The following DDC variants were observed in gnomAD, a reference collection of about 807,000 sequenced individuals.
DDC encodes aromatic-L-amino-acid decarboxylase.
In DDC, 43 loss-of-function variants were observed where a neutral mutation model predicts 60.0. The observed-to-expected ratio is 0.72, with a 90% CI of 0.56 to 0.92. DDC has a LOEUF of 0.92. DDC is among the 40% of genes least tolerant of loss of function. The pLI, the probability that DDC is intolerant of heterozygous loss-of-function variation, is 0.00. For missense variants in DDC, 573 were observed against 620.2 expected (o/e 0.92, Z 0.81); for synonymous variants, 232 against 234.6 (o/e 0.99, Z 0.10).
intron 6 of DDC, among the ~76,000 whole-genome samples, chr7:50,510,264 C>A (rs1013252174): frequency 6.6e-6 from 1 of 151,994 alleles, no homozygotes; most frequent in Admixed American, 6.6e-5. Flanking sequence ...TGTGAGCCAC[C>A]GCACCTGGCC....
At chr7:50,515,517 AAAAC>A (rs892195786) in intron 6 of DDC, among the ~76,000 whole-genome samples, 6 of 152,190 alleles carry the variant, frequency 3.9e-5, no homozygotes, top group East Asian at 1.9e-4. Context: ...GCAAAAACAA[AAAAC>A]AAACAAACAA....
chr7:50,524,383 ATGAAGGTTG>A, intron 6 of DDC, among the ~76,000 whole-genome samples: 1 of 152,342 alleles, frequency 6.6e-6, no homozygotes, highest in Non-Finnish European at 1.5e-5. Flanking sequence ...AATGGGGGAA[ATGAAGGTTG>A]GGATATAAGA....
intron 11 of DDC, among the ~76,000 whole-genome samples, chr7:50,472,953 T>G (rs1345912375): frequency 6.6e-6 from 1 of 152,148 alleles, no homozygotes; most frequent in Non-Finnish European, 1.5e-5. Flanking sequence ...CCAGCCTCTT[T>G]GAACAAAATG....
intron 4 of DDC, among the ~76,000 whole-genome samples, chr7:50,537,540 C>A (rs1340260253): frequency 2.0e-5 from 3 of 152,220 alleles, no homozygotes; most frequent in African/African-American, 7.2e-5. Context: ...CGATGGGGAA[C>A]CCCACACAAA....
At chr7:50,522,275 C>A (rs1311350262) in intron 6 of DDC, among the ~76,000 whole-genome samples, 1 of 151,296 alleles carries the variant, frequency 6.6e-6, no homozygotes, top group African/African-American at 2.4e-5. Flanking sequence ...TTTAAAAGAT[C>A]TAAATAAATG....
chr7:50,463,602 C>T (rs1039125687), intron 13 of DDC, among the ~76,000 whole-genome samples, 171 bp from the exon 14 acceptor site: 1 of 152,190 alleles, frequency 6.6e-6, no homozygotes, highest in African/African-American at 2.4e-5. Context: ...AATAGTAATG[C>T]ACCCTAAAAG....
At chr7:50,519,444 A>G (rs1260700526) in intron 6 of DDC, among the ~76,000 whole-genome samples, 1 of 152,250 alleles carries the variant, frequency 6.6e-6, no homozygotes, top group Admixed American at 6.5e-5. Context: ...TTGCACATGC[A>G]TGTTTAAAGC....
rs1226854764 is a variant in DDC, at chr7:50,527,871, A to C, written c.714+266T>G. 5 of 379,014 alleles carry C rather than the reference A, an allele frequency of 1.3e-5. 1 individual carries two copies. The highest frequency in any genetic ancestry group is 2.5e-5 in the Non-Finnish European group (5 of 200,046). The allele number at this position is 379,014 out of a possible 1,614,324, so 23.5% of individuals were successfully genotyped here. ...TTGACTTGAATTGACAAAACAAAAA[A>C]AAAAATGGAGGTAAAAAGCGTTTCT... On this transcript the variant is annotated intron_variant, in intron 6 of 14. Transcript: ENST00000444124.
chr7:50,521,698 A>G (rs545138515), intron 6 of DDC, among the ~76,000 whole-genome samples: 1 of 152,354 alleles, frequency 6.6e-6, no homozygotes, highest in African/African-American at 2.4e-5. Flanking sequence ...AGTGTTTGAC[A>G]AAATTCAACA....
chr7:50,524,065 G>A (rs563310275), intron 6 of DDC, among the ~76,000 whole-genome samples: 1 of 152,128 alleles, frequency 6.6e-6, no homozygotes, highest in African/African-American at 2.4e-5. Flanking sequence ...ATCTGAAAAG[G>A]CTACATATTG....
At chr7:50,537,812 T>G in intron 4 of DDC, 48 bp downstream of exon 4, 1 of 1,613,212 alleles carries the variant, frequency 6.2e-7, no homozygotes, top group South Asian at 1.1e-5. Flanking sequence ...TACAGTCCTG[T>G]GCAGAGCCCA....
At chr7:50,545,661 C>T (rs1228005649) in intron 1 of DDC, among the ~76,000 whole-genome samples, 4 of 152,028 alleles carry the variant, frequency 2.6e-5, no homozygotes, top group Non-Finnish European at 5.9e-5. Context: ...TTAGTAGAGG[C>T]GGGGTTTCAC....
At chr7:50,471,283 T>C (rs2042524749) in intron 11 of DDC, among the ~76,000 whole-genome samples, 1 of 152,142 alleles carries the variant, frequency 6.6e-6, no homozygotes, top group Admixed American at 6.5e-5. Flanking sequence ...TCCCATCTAC[T>C]TGGGAAGCTG....
chr7:50,520,900 A>AAAAT (rs58873202), intron 6 of DDC, among the ~76,000 whole-genome samples: 9,267 of 147,670 alleles, frequency 0.063, 346 homozygotes, highest in South Asian at 0.086. Context: ...TCTGTCTCAG[A>AAAAT]AAATAAATAA....
intron 1 of DDC, among the ~76,000 whole-genome samples, chr7:50,559,427 T>C (rs983913694): frequency 2.8e-4 from 36 of 129,696 alleles, no homozygotes; most frequent in Non-Finnish European, 4.9e-4. Context: ...TCAGAACATT[T>C]CTTTTTTTTT....
chr7:50,551,570 C>T (rs371444832), intron 1 of DDC, among the ~76,000 whole-genome samples: 100 of 152,204 alleles, frequency 6.6e-4, no homozygotes, highest in Middle Eastern at 6.8e-3. Flanking sequence ...ATAGCTTTTT[C>T]GTGTGTTTCT....
intron 1 of DDC, among the ~76,000 whole-genome samples, chr7:50,554,578 CA>C (rs753238169): frequency 1.2e-4 from 18 of 152,254 alleles, no homozygotes; most frequent in Non-Finnish European, 2.5e-4. Context: ...CACTGTTTTG[CA>C]ACTGCTGGGT....
intron 1 of DDC, among the ~76,000 whole-genome samples, chr7:50,562,548 G>A (rs1296344440): frequency 1.3e-5 from 2 of 152,242 alleles, no homozygotes; most frequent in African/African-American, 2.4e-5. Context: ...CACTTCTTGA[G>A]CTGAAACTCC....
intron 4 of DDC, among the ~76,000 whole-genome samples, chr7:50,536,665 A>T (rs563497517): frequency 6.6e-6 from 1 of 152,376 alleles, no homozygotes; most frequent in South Asian, 2.1e-4. Flanking sequence ...GAACTGTAAG[A>T]TAATCAGTTT....
Sources: allele counts gnomAD v4.1 joint callset (sites outside exome capture counted in the v4.1 genomes callset), GRCh38; gene constraint gnomAD v4.1.1; transcripts MANE v1.5; gene names NCBI Gene and HGNC (gene_info 2026-07-23, HGNC 2026-07-21).